The following CABIN1 variants were observed in gnomAD, a reference collection of about 807,000 sequenced individuals.
CABIN1 encodes the protein calcineurin binding protein 1.
In CABIN1, 133 loss-of-function variants were observed where a neutral mutation model predicts 227.7. The ratio of observed to expected loss-of-function variants is 0.58; its 90% confidence interval spans 0.51 to 0.67. The LOEUF is 0.67. CABIN1 is among the 30% of genes least tolerant of loss of function. The probability of loss-of-function intolerance (pLI) is 0.00; values close to 1 mark genes in which losing one functional copy is unlikely to be tolerated. For missense variants in CABIN1, 2,408 were observed against 2,852.5 expected, an observed-to-expected ratio of 0.84 and a Z score of 3.55; for synonymous variants, 1,086 against 1,155.1, an observed-to-expected ratio of 0.94 and a Z score of 1.21.
chr22:24,040,667 A>G (rs1378146637), intron 4 of CABIN1, among the ~76,000 whole-genome samples: 3 of 152,206 alleles, frequency 2.0e-5, no homozygotes, highest in Non-Finnish European at 2.9e-5. Flanking sequence ...TAAATTAGCA[A>G]TTGTCTATGC....
intron 1 of CABIN1, among the ~76,000 whole-genome samples, chr22:24,019,462 C>T (rs965355347): frequency 6.6e-6 from 1 of 151,496 alleles, no homozygotes; most frequent in African/African-American, 2.4e-5. Flanking sequence ...ACCGTGTTGG[C>T]CAGGATGGTC....
rs778666385 is a variant in CABIN1 at position 24,166,756 on chromosome 22, C to G, written c.5125C>G (p.Pro1709Ala). 6.2e-7 allele frequency: 1 copy of G among 1,612,828 alleles called. No individual in the cohort carries two copies. Among genetic ancestry groups the G allele is most frequent in the Non-Finnish European group, 8.5e-7 (1 of 1,179,968 alleles). The change falls in exon 32 of 37, where the codon CCC becomes GCC. Residue 1709 changes from proline to alanine, a missense_variant. Pro to Ala is a conservative substitution (Grantham distance 27). Around this residue, in one of 3 missense-constraint regions of CABIN1, gnomAD observed 714 missense variants for 773.8 expected, o/e 0.92. Coordinates refer to ENST00000263119, the MANE Select transcript of CABIN1 (RefSeq NM_012295.4). Reference sequence around the variant, plus strand: ...GGAGGGCCTCCCCCAGCCGAAGAAGCCCCCTCTGGCTGATGGCTCAGGGCC... The same window carrying G: ...GGAGGGCCTCCCCCAGCCGAAGAAGGCCCCTCTGGCTGATGGCTCAGGGCC... ...GQEGLPQPKK[P>A]PLADGSGPGP...
intron 23 of CABIN1, among the ~76,000 whole-genome samples, chr22:24,088,804 A>G (rs2041348885): frequency 6.6e-6 from 1 of 152,196 alleles, no homozygotes; most frequent in Non-Finnish European, 1.5e-5. Context: ...ACACCAATCT[A>G]AATGCTATCA....
chr22:24,065,968 CGGCTT>C (rs2039642442), intron 15 of CABIN1, among the ~76,000 whole-genome samples: 1 of 152,196 alleles, frequency 6.6e-6, no homozygotes, highest in African/African-American at 2.4e-5. Context: ...AGTCCAGCTT[CGGCTT>C]GGCATCAGAG....
Position 24,059,967 on chromosome 22 carries a change from C to CG in CABIN1, c.1448dup (p.Ile484HisfsTer100). The CG allele has an allele frequency of 6.2e-7, 1 of 1,614,178 alleles. No individual in the cohort carries two copies. The highest frequency in any genetic ancestry group is 8.5e-7 in the Non-Finnish European group (1 of 1,180,030). On this transcript the variant is annotated frameshift_variant, in exon 12 of 37. Coordinates refer to ENST00000263119, the MANE Select transcript of CABIN1 (RefSeq NM_012295.4). LOFTEE classifies it high-confidence loss of function. ...AGTTCCTGCTGGAGAACCTAACCAA[C>CG]GGGGGCATCCTGGAGCTGATGATGC...
chr22:24,076,414 G>A (rs1240658053), intron 19 of CABIN1, 130 bp downstream of exon 19: 4 of 733,938 alleles, frequency 5.5e-6, no homozygotes, highest in Non-Finnish European at 7.3e-6. Context: ...GGCCCACTGT[G>A]TGTCTTTGAC....
rs1255766926 is a variant in CABIN1 at position 24,065,140 on chromosome 22, G to A, written c.2037+953G>A. 9.5e-3 allele frequency among the ~76,000 whole-genome samples: 1,419 copies of A among 149,110 alleles called. 24 individuals carry two copies. The highest frequency in any genetic ancestry group is 0.033 in the African/African-American group (1,329 of 40,388). ...TCCCAGACGGGGCGGCTGGCCGGGCGGGGGCTGACCCCCCACCTCCCTCCC... is the reference window on the plus strand; with the variant it reads ...TCCCAGACGGGGCGGCTGGCCGGGCAGGGGCTGACCCCCCACCTCCCTCCC... On this transcript the variant is annotated intron_variant, in intron 15 of 36. Coordinates refer to ENST00000263119, the MANE Select transcript of CABIN1 (RefSeq NM_012295.4).
chr22:24,092,934 A>G (rs1047222142), intron 24 of CABIN1, among the ~76,000 whole-genome samples: 2 of 152,034 alleles, frequency 1.3e-5, no homozygotes, highest in Non-Finnish European at 2.9e-5. Context: ...AGGTGTGGTG[A>G]GCTTCCCTGC....
intron 31 of CABIN1, among the ~76,000 whole-genome samples, chr22:24,166,257 G>T (rs1183467494): frequency 6.6e-6 from 1 of 152,216 alleles, no homozygotes. Flanking sequence ...GCCCTGGGCA[G>T]GTCCCCTCCC....
At position 24,098,075 on chromosome 22, in the gene CABIN1, G is replaced by A. The variant is rs1355476197; in HGVS notation, c.4000G>A (p.Gly1334Arg). The A allele has an allele frequency of 6.8e-6, 11 of 1,614,090 alleles. No homozygotes were observed. Among genetic ancestry groups the A allele is most frequent in the South Asian group, 2.2e-5 (2 of 91,072 alleles). ...TTCAGCTGGGACACTGCCGGGCCCC[G>A]GAGCCTCCCTCCCCTCCTCCTCTGG... ...HSSAGTLPGP[G>R]ASLPSSSGPG... The change falls in exon 26 of 37, where the codon GGA becomes AGA. Residue 1334 changes from glycine (G) to arginine (R), a missense_variant. Gly to Arg is a moderately radical substitution (Grantham distance 125). Around this residue, in one of 3 missense-constraint regions of CABIN1, gnomAD observed 649 missense variants for 910.3 expected, o/e 0.71. Coordinates refer to ENST00000263119, the MANE Select transcript of CABIN1 (RefSeq NM_012295.4).
At chr22:24,015,089 C>A (rs2035146176) in intron 1 of CABIN1, among the ~76,000 whole-genome samples, 1 of 151,596 alleles carries the variant, frequency 6.6e-6, no homozygotes, top group Non-Finnish European at 1.5e-5. Flanking sequence ...CATGGTGAAA[C>A]CCCGTCTCTA....
Position 24,177,731 on chromosome 22 carries a change from C to T in CABIN1, c.6433C>T (p.Pro2145Ser). The part of the protein sequence containing the change: ...LVIPSAATKF[P>S]PEITVTPPTP... ...CATCCCCTCCGCCGCCACCAAGTTC[C>T]CCCCTGAGATCACCGTCACGCCACC... The change falls in exon 36 of 37, where the codon CCC (proline) becomes TCC (serine). Residue 2145 changes from proline to serine, a missense_variant. Pro to Ser is a moderately conservative substitution (Grantham distance 74). This residue lies in a region of CABIN1 where 714 missense variants were observed against 773.8 expected (regional missense o/e 0.92). Transcript: ENST00000263119. This position sits in a 1 kb window ranked among gnomAD's most constrained non-coding sequence, Gnocchi z 4.4. 6.2e-7 allele frequency: 1 copy of T among 1,612,568 alleles called. No individual in the cohort carries two copies. Among genetic ancestry groups the T allele is most frequent in the South Asian group, 1.1e-5 (1 of 90,992 alleles).
Position 24,084,641 on chromosome 22 carries a change from T to A in CABIN1, c.2973T>A (p.Pro991=). The change falls in exon 21 of 37, where the codon CCT becomes CCA. Residue 991 remains proline, a synonymous_variant. Transcript: ENST00000263119. The part of the protein sequence containing the change: ...MFEYFKPKTL[P]EFDSYKTSTV... ...AGTATTTTAAGCCCAAGACCCTTCC[T>A]GAATTTGACAGCTATAAGACCAGCA... The A allele has an allele frequency of 6.2e-7, 1 of 1,614,212 alleles. No homozygotes were observed. Among genetic ancestry groups the A allele is most frequent in the Non-Finnish European group, 8.5e-7 (1 of 1,180,042 alleles).
rs757655490 is a variant in CABIN1 at position 24,056,379 on chromosome 22, G to C, written c.1262+19G>C. On this transcript the variant is annotated intron_variant, in intron 10 of 36. Transcript: ENST00000263119. ...CGTCCAGGTACTGTGTATTTTTTCT[G>C]ATTGTCAGAAACAAACCCACAAAGC... The C allele has an allele frequency of 6.2e-7, 1 of 1,613,284 alleles. No homozygotes were observed. Among genetic ancestry groups the C allele is most frequent in the Non-Finnish European group, 8.5e-7 (1 of 1,179,368 alleles).
chr22:24,167,119 A>G lies in CABIN1; in HGVS notation c.5488A>G (p.Thr1830Ala). 6.4e-7 allele frequency: 1 copy of G among 1,567,570 alleles called. No homozygotes were observed. ...PAPAPATTTGTRAGGHPEEPL... is the reference protein window; with the variant it reads ...PAPAPATTTGARAGGHPEEPL... ...CCCCGCCCCCGCCACCACCACAGGG[A>G]CCAGGGCAGGGGGCCACCCGGAGGA... Residue 1830 changes from threonine (T) to alanine (A), a missense_variant, in exon 32 of 37, where the codon ACC (threonine) becomes GCC (alanine). Coordinates refer to ENST00000263119, the MANE Select transcript of CABIN1 (RefSeq NM_012295.4).
intron 24 of CABIN1, among the ~76,000 whole-genome samples, chr22:24,094,141 C>A (rs5751804): frequency 0.079 from 12,000 of 152,220 alleles, 527 homozygotes; most frequent in South Asian, 0.11. Context: ...AAGTCACCTG[C>A]AGGAACAGAG....
chr22:24,139,776 A>G (rs1162216537), intron 29 of CABIN1, among the ~76,000 whole-genome samples: 3 of 152,132 alleles, frequency 2.0e-5, no homozygotes, highest in African/African-American at 4.8e-5. Flanking sequence ...CTGTGTTCCT[A>G]AGTCCCCTGG....
Position 24,042,817 on chromosome 22 carries a change from ACTGTGT to A in CABIN1, c.346-86_346-81del, listed in dbSNP as rs1409804216. ...GGGTGCATATTCAAGGAGAGATCTG[ACTGTGT>A]GTGTGTGTGTGTGTGTGTGTGTGTG... On this transcript the variant is annotated intron_variant, in intron 5 of 36. Coordinates refer to ENST00000263119, the MANE Select transcript of CABIN1 (RefSeq NM_012295.4). 63 of 577,620 alleles carry A rather than the reference ACTGTGT, an allele frequency of 1.1e-4. No individual in the cohort carries two copies. The African/African-American group carries it at 3.0e-3, about 27-fold the overall frequency. The allele number at this position is 577,620 out of a possible 1,614,324, so 35.8% of individuals were successfully genotyped here. A position where few individuals can be genotyped will look rare whatever the true frequency, so the allele number is the denominator to read the frequency against.
chr22:24,055,220 TGA>T (rs2038694996), intron 9 of CABIN1, 61 bp downstream of exon 9: 2 of 1,569,402 alleles, frequency 1.3e-6, no homozygotes, highest in East Asian at 4.5e-5. Flanking sequence ...CCAGCAGGAA[TGA>T]GACTGCTGGG....
Sources: allele counts gnomAD v4.1 joint callset (sites outside exome capture counted in the v4.1 genomes callset), GRCh38; gene constraint gnomAD v4.1.1; regional missense constraint gnomAD v4.1.1; non-coding constraint Gnocchi (gnomAD v3.1); transcripts MANE v1.5; gene names NCBI Gene and HGNC (gene_info 2026-07-23, HGNC 2026-07-21).